Variants in SCHIP1 observed in about 807,000 individuals in gnomAD.
The protein encoded by SCHIP1 is schwannomin-interacting protein 1.
SCHIP1 carries 8 observed loss-of-function variants against 29.7 expected under a neutral mutation model. The ratio of observed to expected loss-of-function variants is 0.27; its 90% CI spans 0.16 to 0.49. SCHIP1 has a LOEUF of 0.49. SCHIP1 is among the 20% of genes least tolerant of loss of function. The pLI, the probability that SCHIP1 is intolerant of heterozygous loss-of-function variation, is 0.99. For missense variants in SCHIP1, 193 were observed against 294.6 expected (o/e 0.66, Z 2.52); for synonymous variants, 76 against 94.9 (o/e 0.80, Z 1.16).
At chr3:159,401,298 T>C in the SCHIP1 span, 53 of 904,974 alleles carry the variant, frequency 5.9e-5, no homozygotes, top group Non-Finnish European at 7.0e-5. Flanking sequence ...TGAGGGGATG[T>C]GCAAATTTGA....
At chr3:159,706,114 C>T in the SCHIP1 span, among the ~76,000 whole-genome samples, 1 of 152,170 alleles carries the variant, frequency 6.6e-6, no homozygotes, top group African/African-American at 2.4e-5. Flanking sequence ...CTACACATAG[C>T]ATGGGTGGAG....
chr3:159,720,187 T>C, the SCHIP1 span, among the ~76,000 whole-genome samples: 22 of 128,706 alleles, frequency 1.7e-4, no homozygotes, highest in African/African-American at 6.6e-4. Context: ...ATGAGAACTC[T>C]TGGACACAGG....
chr3:159,658,913 C>G, the SCHIP1 span, among the ~76,000 whole-genome samples: 1 of 152,226 alleles, frequency 6.6e-6, no homozygotes, highest in Non-Finnish European at 1.5e-5. Flanking sequence ...ATTCTCAACT[C>G]TTATGCCCCA....
At chr3:159,613,811 A>G in the SCHIP1 span, among the ~76,000 whole-genome samples, 3 of 152,220 alleles carry the variant, frequency 2.0e-5, no homozygotes, top group Non-Finnish European at 2.9e-5. Context: ...ATTTTTGCTC[A>G]TTTATCTATG....
At chr3:159,328,901 G>A in the SCHIP1 span, among the ~76,000 whole-genome samples, 1 of 152,158 alleles carries the variant, frequency 6.6e-6, no homozygotes, top group African/African-American at 2.4e-5. Context: ...ACCCCTGTGA[G>A]TCTCAGTTTT....
chr3:159,492,431 A>G, the SCHIP1 span, among the ~76,000 whole-genome samples: 1 of 152,212 alleles, frequency 6.6e-6, no homozygotes, highest in Non-Finnish European at 1.5e-5. Context: ...TGAAAACCAC[A>G]GCACAAGAAC....
At chr3:159,668,376 C>CAAAAAAAAA in the SCHIP1 span, among the ~76,000 whole-genome samples, 315 of 46,386 alleles carry the variant, frequency 6.8e-3, 28 homozygotes, top group African/African-American at 0.027. Flanking sequence ...GACTCCGTCT[C>CAAAAAAAAA]AAAAAAAAAA....
the SCHIP1 span, among the ~76,000 whole-genome samples, chr3:159,821,063 A>T: frequency 6.6e-6 from 1 of 152,188 alleles, no homozygotes; most frequent in Non-Finnish European, 1.5e-5. Flanking sequence ...TCCAGTGGGT[A>T]AAAGTGGAAG....
chr3:159,690,769 G>A, the SCHIP1 span, among the ~76,000 whole-genome samples: 8 of 152,192 alleles, frequency 5.3e-5, no homozygotes, highest in Non-Finnish European at 1.2e-4. Flanking sequence ...TGCTTTAGAT[G>A]TCTCCCAGAG....
chr3:159,766,350 C>T, the SCHIP1 span, among the ~76,000 whole-genome samples: 1 of 152,172 alleles, frequency 6.6e-6, no homozygotes, highest in East Asian at 1.9e-4. Context: ...CTGACAGAGC[C>T]TGCTGGTTAG....
chr3:159,615,667 T>C, the SCHIP1 span, among the ~76,000 whole-genome samples: 9 of 152,098 alleles, frequency 5.9e-5, no homozygotes, highest in Non-Finnish European at 1.2e-4. Context: ...TGGCAGATGG[T>C]GTGGGGGTGA....
intron 1 of SCHIP1, among the ~76,000 whole-genome samples, chr3:159,864,483 A>G (rs1480158771): frequency 1.3e-5 from 2 of 148,424 alleles, no homozygotes; most frequent in East Asian, 3.9e-4. Context: ...ACACACACAC[A>G]CACACACACA....
At chr3:159,804,276 G>C in the SCHIP1 span, among the ~76,000 whole-genome samples, 19,265 of 152,204 alleles carry the variant, frequency 0.13, 1,472 homozygotes, top group Middle Eastern at 0.29. Flanking sequence ...GCAGAGAGCT[G>C]GAACTGGAGG....
At chr3:159,651,532 A>G in the SCHIP1 span, among the ~76,000 whole-genome samples, 1 of 152,224 alleles carries the variant, frequency 6.6e-6, no homozygotes, top group African/African-American at 2.4e-5. Context: ...TACTAACAAT[A>G]TAGTTGTTTG....
At chr3:159,352,598 C>T in the SCHIP1 span, among the ~76,000 whole-genome samples, 1 of 152,040 alleles carries the variant, frequency 6.6e-6, no homozygotes, top group Non-Finnish European at 1.5e-5. Flanking sequence ...ATTATGTAGA[C>T]TTGTGTAAGC....
At chr3:159,469,020 C>T in the SCHIP1 span, among the ~76,000 whole-genome samples, 1 of 151,770 alleles carries the variant, frequency 6.6e-6, no homozygotes, top group East Asian at 1.9e-4. Context: ...CTTGCCTTGG[C>T]CTCCCAAAGT....
At chr3:159,665,637 A>C in the SCHIP1 span, among the ~76,000 whole-genome samples, 4 of 151,998 alleles carry the variant, frequency 2.6e-5, no homozygotes, top group South Asian at 2.1e-4. Flanking sequence ...TGGTCTCCAG[A>C]TAGGGGAGCC....
chr3:159,329,312 C>A, the SCHIP1 span, among the ~76,000 whole-genome samples: 2 of 152,126 alleles, frequency 1.3e-5, no homozygotes, highest in Admixed American at 1.3e-4. Flanking sequence ...ACCTGTGGGA[C>A]AGTTTGTTCC....
intron 1 of SCHIP1, among the ~76,000 whole-genome samples, chr3:159,846,695 T>G (rs1225113327): frequency 6.6e-6 from 1 of 152,238 alleles, no homozygotes; most frequent in Non-Finnish European, 1.5e-5. Flanking sequence ...TTTTATTCTA[T>G]AGATTTTTTT....
Sources: gnomAD v4.1 joint callset for allele counts (sites outside exome capture counted in the v4.1 genomes callset) on GRCh38, gnomAD v4.1.1 for gene constraint, MANE v1.5 for transcripts, NCBI Gene and HGNC (gene_info 2026-07-23, HGNC 2026-07-21) for gene names.